Variants in WDR59 observed in about 807,000 individuals in gnomAD.
WDR59 encodes the protein GATOR2 complex protein WDR59.
A neutral mutation model predicts 131.2 loss-of-function variants in WDR59; 100 were observed. That is an observed-to-expected ratio of 0.76 (90% CI 0.65 to 0.90). The LOEUF (loss-of-function observed/expected upper bound fraction) is 0.90. WDR59 is among the 40% of genes least tolerant of loss of function. The pLI is 0.00. For synonymous variants in WDR59, 601 were observed against 466.2 expected (o/e 1.29, Z -3.72); for missense variants, 1,203 against 1,262.2 (o/e 0.95, Z 0.71).
intron 8 of WDR59, among the ~76,000 whole-genome samples, chr16:74,934,717 G>A (rs1198403335): frequency 6.6e-6 from 1 of 152,276 alleles, no homozygotes; most frequent in East Asian, 1.9e-4. Flanking sequence ...GGAGGCTGAA[G>A]CAGGAAGACT....
chr16:74,922,295 G>A (rs963964097), intron 9 of WDR59, among the ~76,000 whole-genome samples, 192 bp from the exon 10 acceptor site: 3 of 152,210 alleles, frequency 2.0e-5, no homozygotes, highest in African/African-American at 7.2e-5. Flanking sequence ...GCTTATGGAA[G>A]GGACCAAAGC....
rs1186827616 is a variant in WDR59 at position 74,922,012 on chromosome 16, G to C, written c.821C>G (p.Pro274Arg). The C allele has an allele frequency of 2.5e-6, 4 of 1,614,170 alleles. No individual in the cohort carries two copies. Among genetic ancestry groups the C allele is most frequent in the Non-Finnish European group, 3.4e-6 (4 of 1,180,022 alleles). The change falls in exon 10 of 26, where the codon CCA becomes CGA. Residue 274 changes from proline (P) to arginine (R), a missense_variant. Transcript: ENST00000262144. ...LLWNVFDLNTPVHTFVGHDDV... is the reference protein window; with the variant it reads ...LLWNVFDLNTRVHTFVGHDDV... ...ATCATGCCCCACGAAGGTGTGGACT[G>C]GGGTGTTCAAGTCAAAGACATTCCA...
intron 10 of WDR59, among the ~76,000 whole-genome samples, chr16:74,919,639 G>A (rs969695061): frequency 3.9e-5 from 6 of 152,030 alleles, no homozygotes; most frequent in African/African-American, 1.4e-4. Context: ...CACCGCACCT[G>A]GCCTGGAACT....
intron 1 of WDR59, among the ~76,000 whole-genome samples, chr16:74,969,555 G>T: frequency 6.7e-6 from 1 of 150,322 alleles, no homozygotes; most frequent in Admixed American, 6.7e-5. Flanking sequence ...ACAGGTGTGA[G>T]CCACTGCACC....
chr16:74,912,378 C>T lies in WDR59; in HGVS notation c.1225-16G>A, dbSNP rs1966141360. 5 of 1,604,716 alleles carry T rather than the reference C, an allele frequency of 3.1e-6. No homozygotes were observed. Among genetic ancestry groups the T allele is most frequent in the Non-Finnish European group, 4.3e-6 (5 of 1,173,374 alleles). ...CCGCATCCATCTGCAAGAGACAAAT[C>T]CACAATTGCTGTAGAAACAAACCAT... is the stretch of plus-strand genomic sequence containing the variant. On this transcript the variant is annotated splice_polypyrimidine_tract_variant and intron_variant, in intron 13 of 25. Coordinates refer to ENST00000262144, the MANE Select transcript of WDR59 (RefSeq NM_030581.4).
chr16:74,899,729 C>A (rs755856479), intron 18 of WDR59: 2 of 1,289,138 alleles, frequency 1.6e-6, no homozygotes, highest in Non-Finnish European at 2.0e-6. Flanking sequence ...TATGGACCAA[C>A]GCCGCCGGGC....
At chr16:74,969,140 T>C (rs2033883331) in intron 1 of WDR59, among the ~76,000 whole-genome samples, 1 of 152,100 alleles carries the variant, frequency 6.6e-6, no homozygotes, top group Non-Finnish European at 1.5e-5. Context: ...ATGACTGAGA[T>C]AGGATTTCCC....
chr16:74,974,533 A>G (rs1034245436), intron 1 of WDR59, among the ~76,000 whole-genome samples: 1 of 152,178 alleles, frequency 6.6e-6, no homozygotes, highest in East Asian at 1.9e-4. Flanking sequence ...TGAGGCTACT[A>G]CTATCCTTGC....
In WDR59 at chr16:74,872,569, A is replaced by C. The variant is rs1189279040; in HGVS notation, c.*1640T>G. Reference sequence around the variant, plus strand: ...AGTGAGACCCTGTCTCTCTCTCTAAAAAAAAAAAAAAAAAATTTAACTTTA... The same window carrying C: ...AGTGAGACCCTGTCTCTCTCTCTAACAAAAAAAAAAAAAAATTTAACTTTA... On this transcript the variant is annotated 3_prime_UTR_variant, in exon 26 of 26. Coordinates refer to ENST00000262144, the MANE Select transcript of WDR59 (RefSeq NM_030581.4). 1 of 150,948 alleles carries C rather than the reference A, an allele frequency of 6.6e-6. No homozygotes were observed. The highest frequency in any genetic ancestry group is 1.5e-5 in the Non-Finnish European group (1 of 67,690). The allele number at this position is 150,948 out of a possible 1,614,324, so 9.4% of individuals were successfully genotyped here.
In WDR59 at chr16:74,916,311, G is replaced by C. The variant is rs537181688; in HGVS notation, c.967-52C>G. The C allele has an allele frequency of 3.7e-6, 6 of 1,609,364 alleles. No individual in the cohort carries two copies. The African/African-American group carries it at 5.3e-5, about 14-fold the overall frequency. On this transcript the variant is annotated intron_variant, in intron 11 of 25. Transcript: ENST00000262144. ...TCTAGAGAAGTCCGTGGAAATGATTGTCATGTCTGATTAAAGAGTTCTGAC... is the reference window on the plus strand; with the variant it reads ...TCTAGAGAAGTCCGTGGAAATGATTCTCATGTCTGATTAAAGAGTTCTGAC...
intron 23 of WDR59, among the ~76,000 whole-genome samples, chr16:74,886,958 T>C (rs1964799261): frequency 6.6e-6 from 1 of 152,082 alleles, no homozygotes; most frequent in South Asian, 2.1e-4. Flanking sequence ...AAGCAAATGA[T>C]GGCACAGAGA....
chr16:74,888,757 G>C (rs898023829), intron 21 of WDR59, among the ~76,000 whole-genome samples: 2 of 152,196 alleles, frequency 1.3e-5, no homozygotes, highest in Non-Finnish European at 2.9e-5. Context: ...GGAGCTCAGA[G>C]GACACTGGAC....
intron 8 of WDR59, among the ~76,000 whole-genome samples, chr16:74,936,514 AT>A (rs2145072052): frequency 6.6e-6 from 1 of 151,964 alleles, no homozygotes; most frequent in African/African-American, 2.4e-5. Flanking sequence ...AGACAAGCTG[AT>A]TGGGGTACAG....
chr16:74,951,451 T>C lies in WDR59; in HGVS notation c.326+7A>G. 1 of 1,590,930 alleles carries C rather than the reference T, an allele frequency of 6.3e-7. No homozygotes were observed. ...CAGCCAAAGAGCTGTGGAGGGCTGG[T>C]GCCTACCTGATGACACGAGTGTGGC... On this transcript the variant is annotated splice_region_variant and intron_variant, in intron 4 of 25. Transcript: ENST00000262144.
intron 23 of WDR59, 110 bp from the exon 24 acceptor site, chr16:74,886,506 T>A: frequency 7.2e-7 from 1 of 1,388,076 alleles, no homozygotes; most frequent in Non-Finnish European, 9.6e-7. Flanking sequence ...GAAGAAATGT[T>A]AAGCGAGGCT....
intron 8 of WDR59, among the ~76,000 whole-genome samples, chr16:74,937,870 T>G (rs2031925223): frequency 6.6e-6 from 1 of 152,248 alleles, no homozygotes; most frequent in African/African-American, 2.4e-5. Context: ...GAAAACCTTC[T>G]GAACAAATTC....
intron 13 of WDR59, among the ~76,000 whole-genome samples, 195 bp from the exon 14 acceptor site, chr16:74,912,557 A>T (rs1286361532): frequency 6.6e-6 from 1 of 152,240 alleles, no homozygotes; most frequent in Non-Finnish European, 1.5e-5. Flanking sequence ...AAAATTTTCA[A>T]ACCAATGGAA....
chr16:74,981,613 CAT>C (rs1162042042), intron 1 of WDR59, among the ~76,000 whole-genome samples: 19 of 27,788 alleles, frequency 6.8e-4, no homozygotes, highest in African/African-American at 2.6e-3. Flanking sequence ...TATACATTTA[CAT>C]ATATATATAT....
At chr16:74,926,206 C>T (rs534746404) in intron 8 of WDR59, among the ~76,000 whole-genome samples, 288 of 151,844 alleles carry the variant, frequency 1.9e-3, no homozygotes, top group African/African-American at 6.6e-3. Context: ...ATTACAGGCA[C>T]GCACCACCAC....
Sources: allele counts gnomAD v4.1 joint callset (sites outside exome capture counted in the v4.1 genomes callset), GRCh38; gene constraint gnomAD v4.1.1; transcripts MANE v1.5; gene names NCBI Gene and HGNC (gene_info 2026-07-23, HGNC 2026-07-21).